The following PADI1 variants were observed in gnomAD, a reference collection of about 807,000 sequenced individuals.
The protein encoded by PADI1 is peptidyl arginine deiminase 1, also known as protein-arginine deiminase type-1.
Under a neutral mutation model 74.8 loss-of-function variants are expected in PADI1, and 65 were observed. The observed-to-expected ratio is 0.87, with a 90% CI of 0.71 to 1.07. The LOEUF is 1.07. Among genes scored for constraint, PADI1 ranks in the 50% least tolerant of loss-of-function variants. The pLI is 0.00. For synonymous variants in PADI1, 371 were observed against 336.2 expected, an observed-to-expected ratio of 1.10 and a Z score of -1.13; for missense variants, 943 against 854.0, an observed-to-expected ratio of 1.10 and a Z score of -1.30.
intron 11 of PADI1, among the ~76,000 whole-genome samples, chr1:17,233,712 T>A (rs1265723088): frequency 6.6e-6 from 1 of 151,690 alleles, no homozygotes; most frequent in African/African-American, 2.4e-5. Context: ...GTTTGTGGGG[T>A]TTTTGCATAG....
chr1:17,235,221 G>GGAAGGGAGGGAGGAAGGGAAA (rs2100509608), intron 11 of PADI1, among the ~76,000 whole-genome samples: 1 of 134,386 alleles, frequency 7.4e-6, no homozygotes, highest in East Asian at 2.3e-4. Context: ...AGGAAGGGAA[G>GGAAGGGAGGGAGGAAGGGAAA]GAAGGAAGGG....
intron 10 of PADI1, among the ~76,000 whole-genome samples, chr1:17,230,931 C>G (rs2977236): frequency 0.42 from 63,665 of 152,046 alleles, 13,498 homozygotes; most frequent in South Asian, 0.48. Context: ...GGTCAGCAGC[C>G]CTCTTCTGGA....
chr1:17,224,241 A>AC (rs1191572498), intron 3 of PADI1, 126 bp from the exon 4 acceptor site: 9 of 763,660 alleles, frequency 1.2e-5, no homozygotes, highest in Non-Finnish European at 2.0e-5. Flanking sequence ...GTGGGGTCTG[A>AC]CCCCCAGACA....
At chr1:17,237,242 T>C in intron 11 of PADI1, 72 bp from the exon 12 acceptor site, 1 of 1,491,992 alleles carries the variant, frequency 6.7e-7, no homozygotes, top group Non-Finnish European at 8.9e-7. Flanking sequence ...GTGGCAGATC[T>C]GATGATGACT....
rs574507464 is a variant in PADI1 at position 17,244,231 on chromosome 1, C to T, written c.1980C>T (p.Asn660=). ...AGCCCTTTCCCTTCAAATGGTGGAA[C>T]ATGGTGCCCTGAGCCTGCCCCCACC... ...RRKPFPFKWW[N]MVP is the part of the protein sequence containing the mutation. The change falls in exon 16 of 16, where the codon AAC becomes AAT. Residue 660 remains asparagine, a synonymous_variant. Coordinates refer to ENST00000375471, the MANE Select transcript of PADI1 (RefSeq NM_013358.3). 2.1e-5 allele frequency: 34 copies of T among 1,613,256 alleles called. No individual in the cohort carries two copies. Among genetic ancestry groups the T allele is most frequent in the Middle Eastern group, 1.6e-4 (1 of 6,082 alleles).
chr1:17,232,132 G>C (rs1327168159), intron 10 of PADI1, among the ~76,000 whole-genome samples: 2 of 152,132 alleles, frequency 1.3e-5, no homozygotes, highest in Non-Finnish European at 2.9e-5. Context: ...ATTTTTAGTA[G>C]AGATGGGGTT....
At chr1:17,205,738 C>T (rs568381939) in intron 1 of PADI1, among the ~76,000 whole-genome samples, 112 of 152,268 alleles carry the variant, frequency 7.4e-4, no homozygotes, top group Non-Finnish European at 1.4e-3. Context: ...TGTGTGGTAG[C>T]TTGACCCTTG....
intron 1 of PADI1, among the ~76,000 whole-genome samples, chr1:17,219,529 C>A (rs1252990681): frequency 1.3e-5 from 2 of 152,064 alleles, no homozygotes; most frequent in Non-Finnish European, 2.9e-5. Context: ...AGGACAGGAG[C>A]ATTGGATGAG....
At chr1:17,212,841 C>T (rs79048050) in intron 1 of PADI1, among the ~76,000 whole-genome samples, 3,381 of 152,260 alleles carry the variant, frequency 0.022, 132 homozygotes, top group African/African-American at 0.067. Flanking sequence ...AGATCACAGG[C>T]ACCACCCCCC....
At chr1:17,238,742 A>G in intron 13 of PADI1, 33 bp downstream of exon 13, 2 of 1,203,522 alleles carry the variant, frequency 1.7e-6, no homozygotes, top group South Asian at 1.8e-5. Flanking sequence ...CCCCTGGGGG[A>G]CCCTGCCCTT....
In PADI1 at chr1:17,222,490, T is replaced by C; in HGVS notation, c.273+20T>C. 1.3e-6 allele frequency: 2 copies of C among 1,593,740 alleles called. No homozygotes were observed. The highest frequency in any genetic ancestry group is 1.7e-6 in the Non-Finnish European group (2 of 1,161,632). ...TTCAAGGTAAGAGGCCACTTTCTCA[T>C]AGAAAAGGGTTGGATCTCTCCACCC... On this transcript the variant is annotated intron_variant, in intron 2 of 15. Transcript: ENST00000375471.
At chr1:17,211,182 T>C (rs990816459) in intron 1 of PADI1, among the ~76,000 whole-genome samples, 1 of 151,414 alleles carries the variant, frequency 6.6e-6, no homozygotes, top group Non-Finnish European at 1.5e-5. Flanking sequence ...ACTGTAATGA[T>C]CATGATGGCA....
rs759281072 is a variant in PADI1, at chr1:17,224,351, C to T, written c.347-16C>T. 23 of 1,612,474 alleles carry T rather than the reference C, an allele frequency of 1.4e-5. No homozygotes were observed. Among genetic ancestry groups the T allele is most frequent in the South Asian group, 3.3e-5 (3 of 90,784 alleles). On this transcript the variant is annotated splice_polypyrimidine_tract_variant and intron_variant, in intron 3 of 15. Transcript: ENST00000375471. The stretch of plus-strand genomic sequence containing the variant: ...GCTGGATGAGCCCCTGGCAGCCCCT[C>T]TCCATCTCTTTGCAGATATTTCCCT...
chr1:17,242,153 G>A (rs1450210136), intron 15 of PADI1, among the ~76,000 whole-genome samples: 1 of 152,140 alleles, frequency 6.6e-6, no homozygotes, highest in Admixed American at 6.5e-5. Flanking sequence ...ACAGTGCCTC[G>A]CAGGATGCTT....
intron 1 of PADI1, among the ~76,000 whole-genome samples, chr1:17,220,595 A>T (rs1445341837): frequency 6.6e-6 from 1 of 152,136 alleles, no homozygotes; most frequent in Non-Finnish European, 1.5e-5. Flanking sequence ...CTTTGTAGTC[A>T]GGTGGATGTC....
chr1:17,224,398 A>G lies in PADI1; in HGVS notation c.378A>G (p.Thr126=). The part of the protein sequence containing the change: ...DISLEVDTGR[T]GKVKRSQGDK... The stretch of plus-strand genomic sequence containing the variant: ...CCCTTGAGGTTGACACAGGCCGCAC[A>G]GGCAAGGTGAAGAGGAGCCAAGGGG... Residue 126 remains threonine, a synonymous_variant, in exon 4 of 16, where the codon ACA becomes ACG. Transcript: ENST00000375471. The G allele has an allele frequency of 6.2e-7, 1 of 1,613,972 alleles. No homozygotes were observed. Among genetic ancestry groups the G allele is most frequent in the African/African-American group, 1.3e-5 (1 of 75,054 alleles).
intron 10 of PADI1, among the ~76,000 whole-genome samples, 170 bp from the exon 11 acceptor site, chr1:17,232,649 T>C (rs779916795): frequency 5.3e-5 from 8 of 152,204 alleles, no homozygotes; most frequent in Admixed American, 1.3e-4. Flanking sequence ...ATCGCATGGT[T>C]CGCAGAGCCC....
At chr1:17,214,553 A>G (rs57174497) in intron 1 of PADI1, among the ~76,000 whole-genome samples, 22,248 of 152,208 alleles carry the variant, frequency 0.15, 1,979 homozygotes, top group Admixed American at 0.3. Context: ...GGGACATGCC[A>G]GTACTGCATA....
rs2072856415 is a variant in PADI1, at chr1:17,245,050, G to A, written c.*807G>A. The A allele has an allele frequency of 6.4e-6, 1 of 155,066 alleles. No homozygotes were observed. Among genetic ancestry groups the A allele is most frequent in the African/African-American group, 2.4e-5 (1 of 41,446 alleles). The allele number at this position is 155,066 out of a possible 1,614,324, so 9.6% of individuals were successfully genotyped here. On this transcript the variant is annotated 3_prime_UTR_variant, in exon 16 of 16. Transcript: ENST00000375471. The surrounding 1 kb of genome is among the most constrained non-coding windows in gnomAD (Gnocchi z 4.1). ...CAGGGTAGCAGAGTGTGTGACGACG[G>A]ATTTGGGGGCCTAGAGGTGTCCGTG...
Sources: gnomAD v4.1 joint callset for allele counts (sites outside exome capture counted in the v4.1 genomes callset) on GRCh38, gnomAD v4.1.1 for gene constraint, Gnocchi (gnomAD v3.1) non-coding constraint, MANE v1.5 for transcripts, NCBI Gene and HGNC (gene_info 2026-07-23, HGNC 2026-07-21) for gene names.